The following MBP variants were observed in gnomAD, a reference collection of about 807,000 sequenced individuals.
MBP encodes myelin basic protein.
A neutral mutation model predicts 35.8 loss-of-function variants in MBP; 16 were observed. The observed-to-expected ratio is 0.45, with a 90% CI of 0.30 to 0.68. The LOEUF (loss-of-function observed/expected upper bound fraction) is 0.68, where lower values mean the gene tolerates loss of function less well. MBP is among the 30% of genes least tolerant of loss of function. The pLI, the probability that MBP is intolerant of heterozygous loss-of-function variation, is 0.08. For synonymous variants in MBP, 143 were observed against 159.6 expected (o/e 0.90, Z 0.78); for missense variants, 380 against 404.7 (o/e 0.94, Z 0.52).
chr18:77,060,714 G>A (rs1384775478), intron 3 of MBP, among the ~76,000 whole-genome samples: 1 of 152,186 alleles, frequency 6.6e-6, no homozygotes, highest in Non-Finnish European at 1.5e-5. Flanking sequence ...GCCTCCCAAA[G>A]TGCTGGGATT....
chr18:76,983,682 T>C (rs561121450), intron 8 of MBP: 1 of 152,328 alleles, frequency 6.6e-6, no homozygotes, highest in South Asian at 2.1e-4. Flanking sequence ...AGACCGGCTA[T>C]CCTTAAGAGC....
intron 2 of MBP, among the ~76,000 whole-genome samples, chr18:77,099,794 G>A (rs1436899656): frequency 6.6e-6 from 1 of 152,244 alleles, no homozygotes; most frequent in Admixed American, 6.5e-5. Context: ...CCTGGGGGGA[G>A]CCGCCAGCTG....
At chr18:76,987,966 A>C in intron 7 of MBP, 1 of 1,187,204 alleles carries the variant, frequency 8.4e-7, no homozygotes, top group African/African-American at 1.6e-5. Context: ...TGTTTTAATT[A>C]TTATTTAAAC....
At chr18:77,009,854 A>ACATGTTGC (rs1321810221) in intron 4 of MBP, 1 of 1,587,176 alleles carries the variant, frequency 6.3e-7, no homozygotes, top group South Asian at 1.2e-5. Flanking sequence ...CTTACCTTGT[A>ACATGTTGC]CATGTTGCAC....
intron 4 of MBP, chr18:77,009,821 G>C: frequency 1.9e-6 from 3 of 1,549,032 alleles, no homozygotes; most frequent in Non-Finnish European, 2.6e-6. Context: ...CCCTGGCCCC[G>C]ATGGGTGAGG....
rs114580246 is a variant in MBP, at chr18:77,022,109, T to A, written c.140-4841A>T. Among the ~76,000 whole-genome samples the A allele has an allele frequency of 6.8e-3, 1,036 of 152,342 alleles. 11 individuals are homozygous for A. Among genetic ancestry groups the A allele is most frequent in the African/African-American group, 0.024 (1,003 of 41,574 alleles). The stretch of plus-strand genomic sequence containing the variant: ...CTTCTGATTTTTTTAATCAAAATCA[T>A]CTGGGTTGAGAAACTGCCCTGTAAG... On this transcript the variant is annotated intron_variant, in intron 3 of 8. Transcript: ENST00000355994.
rs1036191911 is a variant in MBP at position 76,987,100 on chromosome 18, C to T, written c.750+1395G>A. The stretch of plus-strand genomic sequence containing the variant: ...GAGATGCAGGGAGGAATGCAAGGGT[C>T]TTTCTTGTTAGCTGCTGGGGCAGAA... On this transcript the variant is annotated intron_variant, in intron 7 of 8. Transcript: ENST00000355994. The T allele has an allele frequency of 5.1e-6, 5 of 985,372 alleles. No homozygotes were observed. The African/African-American group carries it at 7.0e-5, about 14-fold the overall frequency. 61.0% of individuals were successfully genotyped at this position (985,372 alleles called of 1,614,324 possible).
chr18:77,003,785 A>G (rs905394933), intron 4 of MBP: 3 of 152,222 alleles, frequency 2.0e-5, no homozygotes, highest in Admixed American at 1.3e-4. Context: ...TGACATCCCC[A>G]GAAACCTTGT....
chr18:77,069,764 G>A (rs868061372), intron 2 of MBP, among the ~76,000 whole-genome samples: 2 of 152,158 alleles, frequency 1.3e-5, no homozygotes, highest in East Asian at 1.9e-4. Context: ...TGTCCTGTGC[G>A]CCAGCTTGTG....
intron 1 of MBP, among the ~76,000 whole-genome samples, chr18:77,125,545 G>A (rs1173833304): frequency 6.6e-6 from 1 of 151,934 alleles, no homozygotes; most frequent in Non-Finnish European, 1.5e-5. Context: ...ATGACCACAT[G>A]TTCTTTTGTG....
chr18:76,995,646 A>G (rs1467581420), intron 4 of MBP, among the ~76,000 whole-genome samples: 1 of 152,216 alleles, frequency 6.6e-6, no homozygotes, highest in Non-Finnish European at 1.5e-5. Flanking sequence ...ACGACCACGA[A>G]AAACCACTTT....
chr18:77,037,976 T>G (rs763420428), intron 3 of MBP, among the ~76,000 whole-genome samples: 2 of 152,220 alleles, frequency 1.3e-5, no homozygotes, highest in Non-Finnish European at 2.9e-5. Flanking sequence ...TAGGGAATGA[T>G]AAGGCAATCG....
At chr18:77,068,978 C>A (rs766447682) in intron 2 of MBP, 1 of 475,768 alleles carries the variant, frequency 2.1e-6, no homozygotes, top group Non-Finnish European at 4.2e-6. Flanking sequence ...GACCTCACCT[C>A]GGGGCCTCTG....
intron 2 of MBP, among the ~76,000 whole-genome samples, chr18:77,094,329 G>T (rs1387584177): frequency 6.6e-6 from 1 of 152,090 alleles, no homozygotes; most frequent in East Asian, 1.9e-4. Context: ...CTCTCTTTAG[G>T]AGCTCACTGA....
chr18:77,039,738 G>C (rs745822487), intron 3 of MBP, among the ~76,000 whole-genome samples: 4 of 152,166 alleles, frequency 2.6e-5, no homozygotes, highest in Non-Finnish European at 4.4e-5. Context: ...TCTGAAATCA[G>C]GTAGGAGCTG....
intron 3 of MBP, among the ~76,000 whole-genome samples, chr18:77,065,327 C>T (rs1275125375): frequency 6.6e-6 from 1 of 152,084 alleles, no homozygotes. Context: ...TTGGCTCAGG[C>T]CTCTCTTCCT....
chr18:77,123,139 T>C (rs934882153), intron 1 of MBP, among the ~76,000 whole-genome samples: 1 of 152,204 alleles, frequency 6.6e-6, no homozygotes, highest in Non-Finnish European at 1.5e-5. Context: ...TAAAAAGTAA[T>C]GGTACGTTTG....
intron 4 of MBP, chr18:77,015,900 T>C: frequency 2.0e-6 from 2 of 985,464 alleles, no homozygotes; most frequent in African/African-American, 1.7e-5. Flanking sequence ...GAATCAGCCC[T>C]GCACACAGGC....
At chr18:77,082,041 A>G (rs546044329) in intron 2 of MBP, among the ~76,000 whole-genome samples, 102 of 150,878 alleles carry the variant, frequency 6.8e-4, no homozygotes, top group Middle Eastern at 3.4e-3. Flanking sequence ...TTTAGTAGAG[A>G]CGGGGTTTCA....
Sources: allele counts gnomAD v4.1 joint callset (sites outside exome capture counted in the v4.1 genomes callset), GRCh38; gene constraint gnomAD v4.1.1; transcripts MANE v1.5; gene names NCBI Gene and HGNC (gene_info 2026-07-23, HGNC 2026-07-21).